The following SENP2 variants were observed in gnomAD, a reference collection of about 807,000 sequenced individuals.
SENP2 encodes the protein SUMO specific peptidase 2, also known as sentrin-specific protease 2.
SENP2 carries 16 observed loss-of-function variants against 86.3 expected under a neutral mutation model. The ratio of observed to expected loss-of-function variants is 0.19; its 90% CI spans 0.13 to 0.28. The LOEUF (loss-of-function observed/expected upper bound fraction) is 0.28, where lower values mean the gene tolerates loss of function less well. Ranked by LOEUF, SENP2 falls within the 10% of genes least tolerant of loss-of-function variation. SENP2 has a pLI of 1.00. For missense variants in SENP2, 552 were observed against 703.0 expected (o/e 0.79, Z 2.43); for synonymous variants, 222 against 238.7 (o/e 0.93, Z 0.64).
At position 185,609,285 on chromosome 3, in the gene SENP2, A is replaced by T; in HGVS notation, c.657A>T (p.Leu219Phe). Reference protein sequence around the residue: ...QKEEREKYRKLLERLKESGHG... With the variant: ...QKEEREKYRKFLERLKESGHG... Reference sequence around the variant, plus strand: ...AGGAAAGAGAGAAGTACCGAAAGTTATTGGAACGACTTAAAGAAAGTGGTC... The same window carrying T: ...AGGAAAGAGAGAAGTACCGAAAGTTTTTGGAACGACTTAAAGAAAGTGGTC... The change falls in exon 7 of 17, where the codon TTA becomes TTT. Residue 219 changes from leucine (L) to phenylalanine (F), a missense_variant. Coordinates refer to ENST00000296257, the MANE Select transcript of SENP2 (RefSeq NM_021627.3). The T allele has an allele frequency of 6.2e-7, 1 of 1,613,884 alleles. No individual in the cohort carries two copies. The highest frequency in any genetic ancestry group is 1.1e-5 in the South Asian group (1 of 91,066).
chr3:185,627,416 T>C (rs1407245318), intron 16 of SENP2, among the ~76,000 whole-genome samples: 1 of 152,126 alleles, frequency 6.6e-6, no homozygotes, highest in Non-Finnish European at 1.5e-5. Flanking sequence ...GTTTGTTTTG[T>C]TTTGTTTTGT....
At chr3:185,619,087 G>A (rs1711743396) in intron 12 of SENP2, among the ~76,000 whole-genome samples, 1 of 152,110 alleles carries the variant, frequency 6.6e-6, no homozygotes, top group South Asian at 2.1e-4. Flanking sequence ...TGGCTGTTAA[G>A]TGTTACTCAC....
intron 2 of SENP2, among the ~76,000 whole-genome samples, chr3:185,590,410 TGGTGGCA>T (rs2148979424): frequency 6.6e-6 from 1 of 150,542 alleles, no homozygotes; most frequent in Non-Finnish European, 1.5e-5. Context: ...TAGCTTGCTG[TGGTGGCA>T]GGAGCTTGTA....
intron 12 of SENP2, 100 bp downstream of exon 12, chr3:185,617,711 C>A: frequency 1.1e-6 from 1 of 923,286 alleles, no homozygotes; most frequent in Non-Finnish European, 1.6e-6. Flanking sequence ...GTTGGTAATG[C>A]AACTCTTAGT....
At position 185,630,004 on chromosome 3, in the gene SENP2, A is replaced by T. The variant is rs6807879; in HGVS notation, c.*160A>T. The T allele has an allele frequency of 3.2e-3, 2,164 of 670,902 alleles. 47 individuals are homozygous for T. In the African/African-American group the frequency reaches 0.034, roughly 11 times the overall value. The allele number at this position is 670,902 out of a possible 1,614,324, so 41.6% of individuals were successfully genotyped here. A position where few individuals can be genotyped will look rare whatever the true frequency, so the allele number is the denominator to read the frequency against. On this transcript the variant is annotated 3_prime_UTR_variant, in exon 17 of 17. Transcript: ENST00000296257. Reference sequence around the variant, plus strand: ...GGCCTCTCACTGTACTCTAGTCCTGACTTGGGGTGCAGAGGGCTGCTTGCA... The same window carrying T: ...GGCCTCTCACTGTACTCTAGTCCTGTCTTGGGGTGCAGAGGGCTGCTTGCA...
intron 5 of SENP2, among the ~76,000 whole-genome samples, chr3:185,601,221 T>G (rs1560192422): frequency 6.6e-6 from 1 of 151,894 alleles, no homozygotes; most frequent in African/African-American, 2.4e-5. Context: ...ATTTTTGTAT[T>G]TTTAGTAGAT....
chr3:185,597,090 G>A (rs1303017725), intron 2 of SENP2, among the ~76,000 whole-genome samples: 2 of 152,114 alleles, frequency 1.3e-5, no homozygotes, highest in East Asian at 3.9e-4. Flanking sequence ...CTGACCTCGT[G>A]ATCTGCCTGC....
At chr3:185,596,957 A>T (rs1020107976) in intron 2 of SENP2, among the ~76,000 whole-genome samples, 2 of 152,044 alleles carry the variant, frequency 1.3e-5, no homozygotes, top group Non-Finnish European at 2.9e-5. Flanking sequence ...AGGTTCAAGC[A>T]ATTCTCCTGC....
Position 185,598,454 on chromosome 3 carries a change from C to T in SENP2, c.200C>T (p.Ala67Val), listed in dbSNP as rs759847897. The T allele has an allele frequency of 6.2e-7, 1 of 1,614,036 alleles. No individual in the cohort carries two copies. Among genetic ancestry groups the T allele is most frequent in the Non-Finnish European group, 8.5e-7 (1 of 1,179,902 alleles). ...HQVKNSLYNA[A>V]SLFGFPFQLT... ...GTGAAAAACAGTCTCTACAATGCTGCCAGCTTATTTGGATTCCCATTCCAG... is the reference window on the plus strand; with the variant it reads ...GTGAAAAACAGTCTCTACAATGCTGTCAGCTTATTTGGATTCCCATTCCAG... Residue 67 changes from alanine to valine, a missense_variant, in exon 3 of 17, where the codon GCC becomes GTC. Physicochemically the swap from Ala to Val is moderately conservative, Grantham distance 64 (BLOSUM62 0). Transcript: ENST00000296257.
At chr3:185,620,661 G>A (rs1168645624) in intron 13 of SENP2, among the ~76,000 whole-genome samples, 2 of 150,828 alleles carry the variant, frequency 1.3e-5, no homozygotes, top group Non-Finnish European at 3.0e-5. Context: ...GGTCAGGCTC[G>A]TCTTGAACTC....
chr3:185,621,514 T>G (rs1437733155), intron 13 of SENP2, among the ~76,000 whole-genome samples: 1 of 149,022 alleles, frequency 6.7e-6, no homozygotes, highest in Admixed American at 6.8e-5. Flanking sequence ...CTCAGCCTCC[T>G]GAGCAGCTAG....
At position 185,631,660 on chromosome 3, in the gene SENP2, G is replaced by C. The variant is rs1285234892; in HGVS notation, c.*1816G>C. On this transcript the variant is annotated 3_prime_UTR_variant, in exon 17 of 17. Coordinates refer to ENST00000296257, the MANE Select transcript of SENP2 (RefSeq NM_021627.3). ...TCTCTGGGCTCCTGGCATTGTGCCAGTGAGTGCTGGGACCAGGTAATGAGC... is the reference window on the plus strand; with the variant it reads ...TCTCTGGGCTCCTGGCATTGTGCCACTGAGTGCTGGGACCAGGTAATGAGC... 1.1e-5 allele frequency: 1 copy of C among 91,140 alleles called. No homozygotes were observed. The highest frequency in any genetic ancestry group is 2.1e-5 in the Non-Finnish European group (1 of 46,656). The allele number at this position is 91,140 out of a possible 1,614,324, so 5.6% of individuals were successfully genotyped here.
chr3:185,594,052 G>C, intron 2 of SENP2, among the ~76,000 whole-genome samples: 1 of 151,850 alleles, frequency 6.6e-6, no homozygotes, highest in East Asian at 1.9e-4. Context: ...TTATAAGGCA[G>C]GTGATGTTGG....
chr3:185,624,144 G>A, intron 15 of SENP2, 62 bp downstream of exon 15: 1 of 1,182,726 alleles, frequency 8.5e-7, no homozygotes. Context: ...ATATTATCTA[G>A]ATTTGGCTCC....
At chr3:185,623,410 T>C (rs928766255) in intron 14 of SENP2, among the ~76,000 whole-genome samples, 1 of 151,604 alleles carries the variant, frequency 6.6e-6, no homozygotes, top group South Asian at 2.1e-4. Context: ...AAAGTGTTGA[T>C]ATACAGGCGT....
At chr3:185,617,349 C>T in intron 11 of SENP2, 131 bp from the exon 12 acceptor site, 3 of 621,960 alleles carry the variant, frequency 4.8e-6, no homozygotes, top group Non-Finnish European at 8.1e-6. Flanking sequence ...TTTAGTAGGT[C>T]TTTGATAGTA....
chr3:185,612,170 A>AAG (rs758844006), intron 8 of SENP2: 5 of 158,842 alleles, frequency 3.1e-5, no homozygotes, highest in African/African-American at 4.9e-5. Context: ...AAAAAAAAAA[A>AAG]CCTCACAGCA....
intron 5 of SENP2, among the ~76,000 whole-genome samples, chr3:185,604,286 A>G (rs1262602700): frequency 6.6e-6 from 1 of 152,186 alleles, no homozygotes; most frequent in Non-Finnish European, 1.5e-5. Context: ...TTATGGTTAG[A>G]GAATATGCTT....
At chr3:185,606,764 C>T (rs561701523) in intron 6 of SENP2, 15 of 506,872 alleles carry the variant, frequency 3.0e-5, no homozygotes, top group Middle Eastern at 5.8e-4. Context: ...AGGCCTATAG[C>T]GGCCACGTGT....
Sources: allele counts gnomAD v4.1 joint callset (sites outside exome capture counted in the v4.1 genomes callset), GRCh38; gene constraint gnomAD v4.1.1; transcripts MANE v1.5; gene names NCBI Gene and HGNC (gene_info 2026-07-23, HGNC 2026-07-21).